Variants in C3orf33 observed in about 807,000 individuals in gnomAD.
The protein encoded by C3orf33 is mitochondrial inner membrane subdomain organizer 1.
A neutral mutation model predicts 28.7 loss-of-function variants in C3orf33; 23 were observed. The observed-to-expected ratio is 0.80, with a 90% CI of 0.58 to 1.13. The LOEUF is 1.13. Among genes scored for constraint, C3orf33 ranks in the 50% most tolerant of loss-of-function variants. The pLI, the probability that C3orf33 is intolerant of heterozygous loss-of-function variation, is 0.00. For synonymous variants in C3orf33, 119 were observed against 120.5 expected, an observed-to-expected ratio of 0.99 and a Z score of 0.08; for missense variants, 327 against 353.4, an observed-to-expected ratio of 0.93 and a Z score of 0.60.
At chr3:155,793,398 C>T (rs35582521) in intron 2 of C3orf33, among the ~76,000 whole-genome samples, 1 of 148,866 alleles carries the variant, frequency 6.7e-6, no homozygotes, top group Non-Finnish European at 1.5e-5. Flanking sequence ...AGAAAAAAAA[C>T]GGATGTTAAT....
At chr3:155,793,621 C>G (rs1275636370) in intron 2 of C3orf33, among the ~76,000 whole-genome samples, 1 of 151,514 alleles carries the variant, frequency 6.6e-6, no homozygotes, top group Non-Finnish European at 1.5e-5. Context: ...ACCAGCCTGG[C>G]CAACATAGCG....
At chr3:155,791,779 T>C (rs1235762341) in intron 2 of C3orf33, among the ~76,000 whole-genome samples, 1 of 151,816 alleles carries the variant, frequency 6.6e-6, no homozygotes, top group African/African-American at 2.4e-5. Flanking sequence ...AAGGACTGTC[T>C]TGTGGCTTAG....
At chr3:155,787,914 G>C (rs961310448) in intron 2 of C3orf33, among the ~76,000 whole-genome samples, 1 of 152,068 alleles carries the variant, frequency 6.6e-6, no homozygotes, top group Admixed American at 6.5e-5. Context: ...AGTATAGGCC[G>C]GGCGCGGTGG....
chr3:155,774,008 T>C (rs895612423), intron 3 of C3orf33, among the ~76,000 whole-genome samples: 7 of 152,206 alleles, frequency 4.6e-5, no homozygotes, highest in African/African-American at 7.2e-5. Flanking sequence ...TCCTTTACAG[T>C]TGTACATTAT....
At chr3:155,776,150 T>C (rs1750740360) in intron 2 of C3orf33, among the ~76,000 whole-genome samples, 2 of 152,320 alleles carry the variant, frequency 1.3e-5, no homozygotes, top group Admixed American at 1.3e-4. Context: ...AGTATCTATC[T>C]ATGCCTGGCA....
chr3:155,770,833 C>A (rs1005400808), intron 3 of C3orf33, among the ~76,000 whole-genome samples: 3 of 151,952 alleles, frequency 2.0e-5, no homozygotes, highest in Non-Finnish European at 2.9e-5. Context: ...CGCCACCACA[C>A]CCAGCTAATT....
chr3:155,770,343 G>A (rs961766901), intron 3 of C3orf33, among the ~76,000 whole-genome samples: 3 of 152,170 alleles, frequency 2.0e-5, no homozygotes, highest in Admixed American at 2.0e-4. Flanking sequence ...CCTGTAGCAA[G>A]CCCGGGGCCA....
At chr3:155,765,415 C>CT (rs1750372945) in intron 4 of C3orf33, among the ~76,000 whole-genome samples, 1 of 152,112 alleles carries the variant, frequency 6.6e-6, no homozygotes, top group Admixed American at 6.6e-5. Context: ...TGATTGCTAC[C>CT]TTTATCATCG....
At chr3:155,785,931 T>G (rs1410327809) in intron 2 of C3orf33, among the ~76,000 whole-genome samples, 1 of 151,586 alleles carries the variant, frequency 6.6e-6, no homozygotes, top group Non-Finnish European at 1.5e-5. Context: ...TCCTAGCTGC[T>G]CAGGAGCCTG....
At chr3:155,798,754 G>A (rs574419233) in intron 2 of C3orf33, among the ~76,000 whole-genome samples, 38 of 151,954 alleles carry the variant, frequency 2.5e-4, no homozygotes, top group Admixed American at 3.9e-4. Flanking sequence ...GGCAACCAAA[G>A]AAAAAATAGA....
intron 2 of C3orf33, among the ~76,000 whole-genome samples, chr3:155,778,972 A>G (rs1296265016): frequency 6.6e-6 from 1 of 152,220 alleles, no homozygotes; most frequent in Non-Finnish European, 1.5e-5. Context: ...TCTGACAACC[A>G]GAATAATGAA....
intron 1 of C3orf33, chr3:155,805,495 A>AG: frequency 2.5e-6 from 1 of 405,044 alleles, no homozygotes. Context: ...CTGAGGTGGG[A>AG]GATCACTTGA....
intron 3 of C3orf33, 36 bp from the exon 4 acceptor site, chr3:155,767,705 C>T: frequency 7.0e-7 from 1 of 1,422,098 alleles, no homozygotes; most frequent in Non-Finnish European, 9.3e-7. Flanking sequence ...TTAGCTTTAA[C>T]AGCATGTTGC....
intron 2 of C3orf33, among the ~76,000 whole-genome samples, chr3:155,782,606 C>A (rs967185707): frequency 6.6e-6 from 1 of 152,116 alleles, no homozygotes; most frequent in African/African-American, 2.4e-5. Context: ...ATTCAAAGTG[C>A]TAAAAGCAAG....
At chr3:155,805,454 T>C (rs1276430758) in intron 1 of C3orf33, 3 of 365,692 alleles carry the variant, frequency 8.2e-6, no homozygotes, top group Non-Finnish European at 1.1e-5. Flanking sequence ...AGGGAGACCC[T>C]GTCTCAAAAA....
chr3:155,767,713 T>C (rs764996804), intron 3 of C3orf33, 44 bp from the exon 4 acceptor site: 1 of 1,399,144 alleles, frequency 7.1e-7, no homozygotes, highest in South Asian at 1.7e-5. Context: ...AACAGCATGT[T>C]GCAAAAGCAA....
chr3:155,768,314 C>A (rs1458518628), intron 3 of C3orf33, among the ~76,000 whole-genome samples: 1 of 152,156 alleles, frequency 6.6e-6, no homozygotes, highest in Non-Finnish European at 1.5e-5. Flanking sequence ...ATAATATGGG[C>A]TATTACCACC....
chr3:155,802,478 T>C (rs1560001934), intron 2 of C3orf33, 54 bp downstream of exon 2: 1 of 1,356,924 alleles, frequency 7.4e-7, no homozygotes. Flanking sequence ...TTGTCTGAAA[T>C]GGAAATAAAC....
At chr3:155,802,257 A>G (rs1398057468) in intron 2 of C3orf33, among the ~76,000 whole-genome samples, 1 of 152,266 alleles carries the variant, frequency 6.6e-6, no homozygotes, top group African/African-American at 2.4e-5. Flanking sequence ...TTTAGTGATT[A>G]TAACATTCTA....
Sources: allele counts gnomAD v4.1 joint callset (sites outside exome capture counted in the v4.1 genomes callset), GRCh38; gene constraint gnomAD v4.1.1; transcripts MANE v1.5; gene names NCBI Gene and HGNC (gene_info 2026-07-23, HGNC 2026-07-21).